The following GRIA2 variants were observed in gnomAD, a reference collection of about 807,000 sequenced individuals.
GRIA2 encodes glutamate receptor 2.
A neutral mutation model predicts 97.3 loss-of-function variants in GRIA2; 14 were observed. The ratio of observed to expected loss-of-function variants is 0.14; its 90% CI spans 0.10 to 0.23. GRIA2 has a LOEUF of 0.23. Ranked by LOEUF, GRIA2 falls within the 10% of genes least tolerant of loss-of-function variation. The pLI, the probability that GRIA2 is intolerant of heterozygous loss-of-function variation, is 1.00. For synonymous variants in GRIA2, 412 were observed against 387.8 expected, an observed-to-expected ratio of 1.06 and a Z score of -0.73; for missense variants, 558 against 1,069.8, an observed-to-expected ratio of 0.52 and a Z score of 6.67.
intron 3 of GRIA2, 102 bp from the exon 4 acceptor site, chr4:157,312,577 C>T: frequency 1.6e-6 from 1 of 629,088 alleles, no homozygotes; most frequent in Non-Finnish European, 2.6e-6. Context: ...TTTAGTTGCA[C>T]AAATATATCT....
chr4:157,343,576 C>T lies in GRIA2; in HGVS notation c.2043+2114C>T, dbSNP rs184659541. On this transcript the variant is annotated intron_variant, in intron 12 of 15. Coordinates refer to ENST00000264426, the MANE Select transcript of GRIA2 (RefSeq NM_001083619.3). ...GTCCTCACAGTTCCTCTCAAACTATCTCCAAAAGGAACTGTTGATGAAATG... is the reference window on the plus strand; with the variant it reads ...GTCCTCACAGTTCCTCTCAAACTATTTCCAAAAGGAACTGTTGATGAAATG... 2.3e-3 allele frequency among the ~76,000 whole-genome samples: 352 copies of T among 152,140 alleles called. 1 individual carries two copies. The highest frequency in any genetic ancestry group is 0.01 in the Middle Eastern group (3 of 294).
At chr4:157,276,185 G>T (rs1732303387) in intron 2 of GRIA2, among the ~76,000 whole-genome samples, 1 of 152,012 alleles carries the variant, frequency 6.6e-6, no homozygotes, top group Non-Finnish European at 1.5e-5. Context: ...TGGTGTATAA[G>T]AATGCTTGTG....
chr4:157,239,785 A>C (rs193153786), intron 2 of GRIA2, among the ~76,000 whole-genome samples: 1 of 152,024 alleles, frequency 6.6e-6, no homozygotes, highest in Non-Finnish European at 1.5e-5. Flanking sequence ...CTATTATTCA[A>C]TGCAGAGCCA....
intron 2 of GRIA2, among the ~76,000 whole-genome samples, chr4:157,287,620 G>A (rs1732903589): frequency 6.6e-6 from 1 of 151,606 alleles, no homozygotes; most frequent in Non-Finnish European, 1.5e-5. Flanking sequence ...AATTGAAACT[G>A]AAAAATGGTG....
chr4:157,322,823 T>C (rs1734635563), intron 6 of GRIA2, among the ~76,000 whole-genome samples: 1 of 152,196 alleles, frequency 6.6e-6, no homozygotes, highest in Non-Finnish European at 1.5e-5. Flanking sequence ...TGAGTATGCA[T>C]CATAGAGATG....
At chr4:157,348,535 A>G (rs1735863714) in intron 12 of GRIA2, among the ~76,000 whole-genome samples, 1 of 152,076 alleles carries the variant, frequency 6.6e-6, no homozygotes, top group African/African-American at 2.4e-5. Context: ...CACCTCACCC[A>G]GCCCAAAAAT....
At chr4:157,283,241 T>G (rs1732689542) in intron 2 of GRIA2, among the ~76,000 whole-genome samples, 1 of 151,976 alleles carries the variant, frequency 6.6e-6, no homozygotes, top group Non-Finnish European at 1.5e-5. Context: ...ATTAATATAG[T>G]GACCCCAGTT....
At chr4:157,283,080 CA>C (rs1732680843) in intron 2 of GRIA2, among the ~76,000 whole-genome samples, 1 of 151,838 alleles carries the variant, frequency 6.6e-6, no homozygotes, top group South Asian at 2.1e-4. Context: ...GATATTTTTT[CA>C]AATATAAATG....
chr4:157,309,301 C>T (rs1051660116), intron 3 of GRIA2, among the ~76,000 whole-genome samples: 12 of 149,742 alleles, frequency 8.0e-5, no homozygotes, highest in Non-Finnish European at 1.2e-4. Flanking sequence ...CTGTAAATTA[C>T]TTTTGACACG....
intron 5 of GRIA2, among the ~76,000 whole-genome samples, 195 bp downstream of exon 5, chr4:157,317,906 G>T (rs950565418): frequency 1.3e-4 from 20 of 152,128 alleles, no homozygotes; most frequent in Admixed American, 2.6e-4. Context: ...AATCCAGAAG[G>T]CGGAGGTTGC....
At chr4:157,347,539 C>T (rs1421680471) in intron 12 of GRIA2, among the ~76,000 whole-genome samples, 1 of 152,158 alleles carries the variant, frequency 6.6e-6, no homozygotes, top group African/African-American at 2.4e-5. Context: ...ATTTCAAAAC[C>T]TTTCTAAAAT....
At chr4:157,337,278 A>G (rs1437718260) in intron 11 of GRIA2, among the ~76,000 whole-genome samples, 1 of 152,024 alleles carries the variant, frequency 6.6e-6, no homozygotes, top group Non-Finnish European at 1.5e-5. Context: ...CATATTTTCA[A>G]CTACCCACAA....
intron 12 of GRIA2, among the ~76,000 whole-genome samples, chr4:157,355,421 A>C (rs1579388470): frequency 6.6e-6 from 1 of 151,022 alleles, no homozygotes; most frequent in African/African-American, 2.4e-5. Context: ...CCAGCTACCC[A>C]GGAGGCTGAG....
chr4:157,244,097 AC>A (rs2126723539), intron 2 of GRIA2, among the ~76,000 whole-genome samples: 1 of 151,964 alleles, frequency 6.6e-6, no homozygotes, highest in South Asian at 2.1e-4. Flanking sequence ...GAAGATGAGA[AC>A]CAGCTGGACA....
At chr4:157,345,226 C>T (rs550282795) in intron 12 of GRIA2, among the ~76,000 whole-genome samples, 12 of 152,004 alleles carry the variant, frequency 7.9e-5, no homozygotes, top group South Asian at 2.1e-4. Flanking sequence ...GATCATTAAA[C>T]GAAACATTCA....
intron 2 of GRIA2, among the ~76,000 whole-genome samples, chr4:157,269,863 A>G (rs1369495222): frequency 1.3e-5 from 2 of 152,058 alleles, no homozygotes; most frequent in Non-Finnish European, 2.9e-5. Flanking sequence ...CTTTTTTACT[A>G]AGACAGAGAC....
rs1170018650 is a variant in GRIA2, at chr4:157,224,002, G to A, written c.229+2195G>A. On this transcript the variant is annotated intron_variant, in intron 2 of 15. Transcript: ENST00000264426. ...AATAAAATATATAGCCAGAATATGT[G>A]TATATATTAAACACATATGTAAATT... Among the ~76,000 whole-genome samples, 13 of 152,214 alleles carry A rather than the reference G, an allele frequency of 8.5e-5. No homozygotes were observed. In the East Asian group the frequency reaches 2.5e-3, roughly 29 times the overall value.
chr4:157,287,462 A>G (rs1423465842), intron 2 of GRIA2, among the ~76,000 whole-genome samples: 1 of 151,630 alleles, frequency 6.6e-6, no homozygotes, highest in African/African-American at 2.4e-5. Flanking sequence ...GTTGGGTCTC[A>G]TTAATCTGTT....
chr4:157,248,543 G>A (rs1256370358), intron 2 of GRIA2, among the ~76,000 whole-genome samples: 1 of 3,584 alleles, frequency 2.8e-4, no homozygotes, highest in East Asian at 9.4e-3. Flanking sequence ...GTGTGTTTAT[G>A]TGTGTGTGTG....
Sources: allele counts gnomAD v4.1 joint callset (sites outside exome capture counted in the v4.1 genomes callset), GRCh38; gene constraint gnomAD v4.1.1; transcripts MANE v1.5; gene names NCBI Gene and HGNC (gene_info 2026-07-23, HGNC 2026-07-21).